Variants in EXOSC9 observed in about 807,000 individuals in gnomAD.
EXOSC9 encodes the protein exosome component 9.
A neutral mutation model predicts 56.5 loss-of-function variants in EXOSC9; 38 were observed. The observed-to-expected ratio is 0.67, with a 90% CI of 0.52 to 0.88. The LOEUF (loss-of-function observed/expected upper bound fraction) is 0.88, where lower values mean the gene tolerates loss of function less well. EXOSC9 is among the 40% of genes least tolerant of loss of function. The pLI, the probability that EXOSC9 is intolerant of heterozygous loss-of-function variation, is 0.00. For synonymous variants in EXOSC9, 170 were observed against 170.8 expected, an observed-to-expected ratio of 0.99 and a Z score of 0.04; for missense variants, 559 against 530.5, an observed-to-expected ratio of 1.05 and a Z score of -0.53.
intron 6 of EXOSC9, among the ~76,000 whole-genome samples, chr4:121,808,435 T>G (rs1727109528): frequency 6.6e-6 from 1 of 152,186 alleles, no homozygotes; most frequent in Admixed American, 6.6e-5. Flanking sequence ...TTTTTGCTCA[T>G]TACAACCTCT....
At chr4:121,805,832 A>T (rs13105974) in intron 5 of EXOSC9, among the ~76,000 whole-genome samples, 11 of 148,248 alleles carry the variant, frequency 7.4e-5, no homozygotes, top group African/African-American at 2.3e-4. Flanking sequence ...TTGAGACAGG[A>T]TCTCACTCCG....
intron 5 of EXOSC9, among the ~76,000 whole-genome samples, chr4:121,805,746 A>C (rs755818550): frequency 4.6e-5 from 7 of 152,214 alleles, no homozygotes; most frequent in Non-Finnish European, 1.0e-4. Flanking sequence ...TTAAGTTTTA[A>C]GTGTAGACAG....
At chr4:121,815,576 A>G in intron 10 of EXOSC9, 1 of 985,460 alleles carries the variant, frequency 1.0e-6, no homozygotes, top group African/African-American at 1.7e-5. Context: ...CAGTTCTCAA[A>G]GTATACAATG....
At position 121,810,941 on chromosome 4, in the gene EXOSC9, C is replaced by T. The variant is rs538941013; in HGVS notation, c.739-642C>T. Among the ~76,000 whole-genome samples, 5 of 152,240 alleles carry T rather than the reference C, an allele frequency of 3.3e-5. No homozygotes were observed. The South Asian group carries it at 1.0e-3, about 32-fold the overall frequency. On this transcript the variant is annotated intron_variant, in intron 7 of 11. Coordinates refer to ENST00000243498, the MANE Select transcript of EXOSC9 (RefSeq NM_005033.3). ...AGTTTTACTTGCACTTTTAGAACTA[C>T]AATTGGCAGTAGTTCTGAAACCCAG...
intron 9 of EXOSC9, 121 bp from the exon 10 acceptor site, chr4:121,813,745 T>C (rs1056567261): frequency 1.4e-6 from 1 of 704,702 alleles, no homozygotes; most frequent in Admixed American, 3.0e-5. Flanking sequence ...TTAAGTTTTT[T>C]TTCCCCTAGG....
chr4:121,814,128 ATG>A (rs1301582222), intron 10 of EXOSC9, 81 bp downstream of exon 10: 4 of 821,548 alleles, frequency 4.9e-6, no homozygotes, highest in Non-Finnish European at 5.8e-6. Context: ...AATGCATAAA[ATG>A]TGTGTATATT....
At chr4:121,812,373 T>A (rs2149038398) in intron 8 of EXOSC9, among the ~76,000 whole-genome samples, 1 of 152,344 alleles carries the variant, frequency 6.6e-6, no homozygotes, top group East Asian at 1.9e-4. Flanking sequence ...ACACTTGATC[T>A]TTCCTTATTT....
rs1387814332 is a variant in EXOSC9, at chr4:121,816,833, A to AAAAAG, written c.1300_1304dup (p.Ala437ArgfsTer40). The stretch of plus-strand genomic sequence containing the variant: ...AAGTAAAAAGCCAGTGAAAAGAAGA[A>AAAAAG]AAAAGAAGAGAGCTGCCAATTAAAG... On this transcript the variant is annotated frameshift_variant, in exon 12 of 12. Coordinates refer to ENST00000243498, the MANE Select transcript of EXOSC9 (RefSeq NM_005033.3). LOFTEE classifies it high-confidence loss of function. 3 of 1,597,350 alleles carry AAAAAG rather than the reference A, an allele frequency of 1.9e-6. No homozygotes were observed. Among genetic ancestry groups the AAAAAG allele is most frequent in the Admixed American group, 1.7e-5 (1 of 58,358 alleles).
intron 10 of EXOSC9, 33 bp from the exon 11 acceptor site, chr4:121,816,332 CTTTT>C (rs35942869): frequency 6.3e-6 from 6 of 957,306 alleles, no homozygotes; most frequent in East Asian, 3.2e-5. Context: ...GATTGCTTAA[CTTTT>C]TTTTTTTTTT....
At chr4:121,807,724 AT>A in intron 6 of EXOSC9, 102 bp downstream of exon 6, 2 of 749,492 alleles carry the variant, frequency 2.7e-6, no homozygotes, top group South Asian at 3.1e-5. Flanking sequence ...ACTTCCCTTA[AT>A]AGTAAAGCAC....
chr4:121,810,207 A>G, intron 7 of EXOSC9, 108 bp downstream of exon 7: 1 of 976,830 alleles, frequency 1.0e-6, no homozygotes, highest in Non-Finnish European at 1.6e-6. Flanking sequence ...GATTTATTCT[A>G]GGATGTGTTA....
chr4:121,816,401 G>C lies in EXOSC9; in HGVS notation c.1189G>C (p.Glu397Gln). The C allele has an allele frequency of 6.4e-7, 1 of 1,568,124 alleles. No homozygotes were observed. Among genetic ancestry groups the C allele is most frequent in the Admixed American group, 2.0e-5 (1 of 51,074 alleles). The change falls in exon 11 of 12, where the codon GAA (glutamate) becomes CAA (glutamine). Residue 397 changes from glutamate to glutamine, a missense_variant. By Grantham distance (29) the Glu-to-Gln change is conservative. Transcript: ENST00000243498. The stretch of plus-strand genomic sequence containing the variant: ...CATAATACTCTCAGATAGTGAAGAA[G>C]AAGAAATGATCATTTTGGAACCAGA... ...APIILSDSEE[E>Q]EMIILEPDKN...
chr4:121,801,594 G>GT, intron 1 of EXOSC9, 104 bp downstream of exon 1: 1 of 1,085,968 alleles, frequency 9.2e-7, no homozygotes. Context: ...CTAGGGGAAC[G>GT]ACCGGCACGT....
intron 5 of EXOSC9, among the ~76,000 whole-genome samples, chr4:121,805,003 G>T (rs1726978800): frequency 6.6e-6 from 1 of 152,202 alleles, no homozygotes; most frequent in African/African-American, 2.4e-5. Context: ...AGAATTAGAT[G>T]ACTATTTTGG....
chr4:121,803,172 T>C (rs2149034093), intron 4 of EXOSC9, among the ~76,000 whole-genome samples, 155 bp downstream of exon 4: 1 of 152,244 alleles, frequency 6.6e-6, no homozygotes, highest in East Asian at 1.9e-4. Flanking sequence ...TAGAACTTTG[T>C]GCTACCTCTC....
Position 121,801,370 on chromosome 4 carries a change from C to A in EXOSC9, c.-55C>A, listed in dbSNP as rs1367316724. ...CGAGCAGCGGCGCGCAAGGAAAGATCGGGTTCCGTTTTTCCCGCGGATTCT... is the reference window on the plus strand; with the variant it reads ...CGAGCAGCGGCGCGCAAGGAAAGATAGGGTTCCGTTTTTCCCGCGGATTCT... On this transcript the variant is annotated 5_prime_UTR_variant, in exon 1 of 12. Transcript: ENST00000243498. 2.0e-6 allele frequency: 3 copies of A among 1,522,940 alleles called. No individual in the cohort carries two copies. The highest frequency in any genetic ancestry group is 2.7e-5 in the African/African-American group (2 of 73,138). The allele number at this position is 1,522,940 out of a possible 1,614,324, so 94.3% of individuals were successfully genotyped here. A position where few individuals can be genotyped will look rare whatever the true frequency, so the allele number is the denominator to read the frequency against.
At chr4:121,815,787 C>T (rs1015347495) in intron 10 of EXOSC9, 1 of 1,007,840 alleles carries the variant, frequency 9.9e-7, no homozygotes, top group Non-Finnish European at 1.2e-6. Flanking sequence ...ACAAACAATT[C>T]AGTTGTCTCT....
rs3217782 is a variant in EXOSC9 at position 121,816,004 on chromosome 4, C to T, written c.1157-365C>T. 3.4e-3 allele frequency: 4,108 copies of T among 1,225,318 alleles called. 139 individuals carry two copies. The African/African-American group carries it at 0.058, about 17-fold the overall frequency. 75.9% of individuals were successfully genotyped at this position (1,225,318 alleles called of 1,614,324 possible). A position where few individuals can be genotyped will look rare whatever the true frequency, so the allele number is the denominator to read the frequency against. On this transcript the variant is annotated intron_variant, in intron 10 of 11. Transcript: ENST00000243498. ...TTATTTTTTGGGATGGAGTCTTGCTCTGTCACCCAGACTGGAGTGCAGTGG... is the reference window on the plus strand; with the variant it reads ...TTATTTTTTGGGATGGAGTCTTGCTTTGTCACCCAGACTGGAGTGCAGTGG...
Position 121,804,662 on chromosome 4 carries a change from A to T in EXOSC9, c.425A>T (p.Asp142Val). ...GTAGACCTACATTTATTAAATCATG[A>T]TGGAAATATTATTGATGCTGCCAGC... ...IRVDLHLLNH[D>V]GNIIDAASIA... is the part of the protein sequence containing the mutation. Residue 142 changes from aspartate to valine, a missense_variant, in exon 5 of 12, where the codon GAT becomes GTT. Physicochemically the swap from Asp to Val is radical, Grantham distance 152. Transcript: ENST00000243498. 1 of 1,606,282 alleles carries T rather than the reference A, an allele frequency of 6.2e-7. No homozygotes were observed. The highest frequency in any genetic ancestry group is 8.5e-7 in the Non-Finnish European group (1 of 1,173,334).
Sources: gnomAD v4.1 joint callset for allele counts (sites outside exome capture counted in the v4.1 genomes callset) on GRCh38, gnomAD v4.1.1 for gene constraint, MANE v1.5 for transcripts, NCBI Gene and HGNC (gene_info 2026-07-23, HGNC 2026-07-21) for gene names.